Variants in NBAS observed in about 807,000 individuals in gnomAD.
The protein encoded by NBAS is NAG/BC035112 fusion.
Under a neutral mutation model 302.5 loss-of-function variants are expected in NBAS, and 219 were observed. That is an observed-to-expected ratio of 0.72 (90% CI 0.65 to 0.81). NBAS has a LOEUF of 0.81. Among genes scored for constraint, NBAS ranks in the 30% least tolerant of loss-of-function variants. The pLI is 0.00. For missense variants in NBAS, 2,932 were observed against 2,841.6 expected, an observed-to-expected ratio of 1.03 and a Z score of -0.72; for synonymous variants, 1,118 against 1,021.6, an observed-to-expected ratio of 1.09 and a Z score of -1.80.
intron 42 of NBAS, among the ~76,000 whole-genome samples, chr2:15,278,664 A>G (rs1246056097): frequency 1.3e-5 from 2 of 152,234 alleles, no homozygotes; most frequent in African/African-American, 4.8e-5. Context: ...AAAGACTTAC[A>G]GCATAGAGCT....
At chr2:15,447,384 C>T (rs1678802056) in intron 21 of NBAS, among the ~76,000 whole-genome samples, 1 of 152,166 alleles carries the variant, frequency 6.6e-6, no homozygotes, top group Non-Finnish European at 1.5e-5. Context: ...GAGGGAAAGA[C>T]AGTTCTTTAT....
intron 48 of NBAS, among the ~76,000 whole-genome samples, chr2:15,216,041 A>C (rs895000075): frequency 1.3e-5 from 2 of 152,228 alleles, no homozygotes; most frequent in African/African-American, 4.8e-5. Flanking sequence ...GGTTATTTAC[A>C]ATTATAAGTC....
the NBAS span, among the ~76,000 whole-genome samples, chr2:14,936,870 C>A: frequency 6.6e-6 from 1 of 152,256 alleles, no homozygotes; most frequent in South Asian, 2.1e-4. Flanking sequence ...GTGTGGGAAG[C>A]CCTGCTGATA....
intron 51 of NBAS, among the ~76,000 whole-genome samples, chr2:15,176,822 G>T (rs915981214): frequency 6.6e-6 from 1 of 152,144 alleles, no homozygotes; most frequent in Non-Finnish European, 1.5e-5. Flanking sequence ...TGTCACACTG[G>T]GGGGAACTGG....
the NBAS span, among the ~76,000 whole-genome samples, chr2:14,849,188 G>C: frequency 6.9e-6 from 1 of 145,376 alleles, no homozygotes; most frequent in Non-Finnish European, 1.5e-5. Flanking sequence ...AAAAAATTTA[G>C]AAGAATGTAT....
In NBAS at chr2:15,383,425, T is replaced by C. The variant is rs3755129; in HGVS notation, c.3258-108A>G. 516,873 of 819,580 alleles carry C rather than the reference T, an allele frequency of 0.63. 167,490 individuals are homozygous for C. Among genetic ancestry groups the C allele is most frequent in the Non-Finnish European group, 0.68 (321,416 of 473,182 alleles). The allele number at this position is 819,580 out of a possible 1,614,324, so 50.8% of individuals were successfully genotyped here. ...AACAAAAACTGGTACCACCACTCTA[T>C]ATCCACATCAGCTCTCAAATGATCA... On this transcript the variant is annotated intron_variant, in intron 28 of 51. Coordinates refer to ENST00000281513, the MANE Select transcript of NBAS (RefSeq NM_015909.4).
intron 44 of NBAS, among the ~76,000 whole-genome samples, chr2:15,258,281 G>T (rs961086393): frequency 6.6e-6 from 1 of 152,126 alleles, no homozygotes; most frequent in Admixed American, 6.5e-5. Flanking sequence ...ATTGTAAAAT[G>T]TGTGTTTGAA....
chr2:14,908,129 C>T, the NBAS span, among the ~76,000 whole-genome samples: 216 of 152,220 alleles, frequency 1.4e-3, no homozygotes, highest in African/African-American at 4.7e-3. Flanking sequence ...TTTGGGAGGC[C>T]GAGGCAGGCG....
At chr2:15,006,077 C>G in the NBAS span, among the ~76,000 whole-genome samples, 2 of 152,078 alleles carry the variant, frequency 1.3e-5, no homozygotes, top group Non-Finnish European at 2.9e-5. Flanking sequence ...TGGTAAAATA[C>G]TTTGTTTTAA....
the NBAS span, among the ~76,000 whole-genome samples, chr2:14,781,143 G>A: frequency 6.6e-6 from 1 of 152,216 alleles, no homozygotes; most frequent in African/African-American, 2.4e-5. Context: ...GGATTGAAAT[G>A]ATGTTGCTAA....
the NBAS span, among the ~76,000 whole-genome samples, chr2:14,953,470 T>C: frequency 0.14 from 21,758 of 152,122 alleles, 1,979 homozygotes; most frequent in African/African-American, 0.26. Context: ...AATGAAAGGG[T>C]GCAGTCACCC....
intron 47 of NBAS, among the ~76,000 whole-genome samples, chr2:15,231,070 C>G (rs796078336): frequency 9.8e-5 from 15 of 152,318 alleles, no homozygotes; most frequent in African/African-American, 3.4e-4. Context: ...CAGGCCAGAT[C>G]GTCTCCCGCG....
the NBAS span, among the ~76,000 whole-genome samples, chr2:14,874,463 TAA>T: frequency 0.065 from 8,466 of 129,562 alleles, 282 homozygotes; most frequent in African/African-American, 0.082. Context: ...CGTCTCTACT[TAA>T]AAAAAAAAAA....
the NBAS span, among the ~76,000 whole-genome samples, chr2:15,055,754 T>C: frequency 6.6e-6 from 1 of 151,426 alleles, no homozygotes; most frequent in African/African-American, 2.4e-5. Flanking sequence ...GCAATGGGAG[T>C]CGGGTTTCTC....
chr2:15,398,735 C>T (rs976653951), intron 26 of NBAS, among the ~76,000 whole-genome samples: 24 of 152,026 alleles, frequency 1.6e-4, no homozygotes, highest in African/African-American at 5.8e-4. Context: ...ACAAACTTGG[C>T]ATGAAGAACA....
chr2:15,537,042 C>G (rs138091528), intron 7 of NBAS, among the ~76,000 whole-genome samples: 26 of 152,286 alleles, frequency 1.7e-4, no homozygotes, highest in Admixed American at 8.5e-4. Flanking sequence ...TAACCAAATA[C>G]CAGGCTAAAC....
chr2:15,482,685 AT>A (rs11320202), intron 12 of NBAS, among the ~76,000 whole-genome samples: 89,928 of 147,550 alleles, frequency 0.61, 27,853 homozygotes, highest in Middle Eastern at 0.68. Flanking sequence ...AAGTTCTTTG[AT>A]TTTTTTTTTT....
chr2:15,501,511 G>T (rs2148631581), intron 11 of NBAS, among the ~76,000 whole-genome samples: 1 of 149,644 alleles, frequency 6.7e-6, no homozygotes, highest in South Asian at 2.1e-4. Context: ...GCTATTTTAT[G>T]TATATTACCT....
intron 44 of NBAS, among the ~76,000 whole-genome samples, chr2:15,271,007 T>C (rs961418265): frequency 2.0e-5 from 3 of 152,220 alleles, no homozygotes; most frequent in East Asian, 1.9e-4. Flanking sequence ...ATTGGCAATA[T>C]AGAGACCCTG....
Sources: gnomAD v4.1 joint callset for allele counts (sites outside exome capture counted in the v4.1 genomes callset) on GRCh38, gnomAD v4.1.1 for gene constraint, MANE v1.5 for transcripts, NCBI Gene and HGNC (gene_info 2026-07-23, HGNC 2026-07-21) for gene names.